The following DCC variants were observed in gnomAD, a reference collection of about 807,000 sequenced individuals.
The protein encoded by DCC is netrin receptor DCC.
In DCC, 58 loss-of-function variants were observed where a neutral mutation model predicts 172.5. The ratio of observed to expected loss-of-function variants is 0.34; its 90% confidence interval spans 0.27 to 0.42. DCC has a LOEUF of 0.42. Among genes scored for constraint, DCC ranks in the 10% least tolerant of loss-of-function variants. The pLI is 1.00. For synonymous variants in DCC, 709 were observed against 644.5 expected (o/e 1.10, Z -1.52); for missense variants, 1,740 against 1,791.0 (o/e 0.97, Z 0.51).
intron 1 of DCC, among the ~76,000 whole-genome samples, chr18:52,641,607 GA>G (rs1367994482): frequency 6.7e-6 from 1 of 148,938 alleles, no homozygotes; most frequent in Non-Finnish European, 1.5e-5. Context: ...ACAAACATAT[GA>G]AAAAAAGGCT....
chr18:52,913,315 T>G (rs1167104197), intron 3 of DCC, among the ~76,000 whole-genome samples: 1 of 152,140 alleles, frequency 6.6e-6, no homozygotes, highest in East Asian at 1.9e-4. Context: ...TGTGGATACA[T>G]AGACCATTTC....
At chr18:53,031,625 C>A (rs893740828) in intron 5 of DCC, among the ~76,000 whole-genome samples, 1 of 151,658 alleles carries the variant, frequency 6.6e-6, no homozygotes, top group African/African-American at 2.4e-5. Flanking sequence ...ATTAATAGAA[C>A]TAAAAAAATT....
At position 53,105,389 on chromosome 18, in the gene DCC, G is replaced by T. The variant is rs950030865; in HGVS notation, c.1261+39223G>T. On this transcript the variant is annotated intron_variant, in intron 7 of 28. Transcript: ENST00000442544. ...TTTATTTCCCGAGCTTATCTGTCTC[G>T]GAAAGATCTTAGTCACAGAGTGTTT... Among the ~76,000 whole-genome samples the T allele has an allele frequency of 2.0e-5, 3 of 152,064 alleles. No homozygotes were observed. In the East Asian group the frequency reaches 5.8e-4, roughly 30 times the overall value.
chr18:52,684,293 G>A (rs1016242504), intron 1 of DCC, among the ~76,000 whole-genome samples: 2 of 152,002 alleles, frequency 1.3e-5, no homozygotes, highest in Admixed American at 1.3e-4. Context: ...TAGCGAGTTT[G>A]ATGGAATCAC....
intron 1 of DCC, among the ~76,000 whole-genome samples, chr18:52,747,966 G>A: frequency 6.6e-6 from 1 of 152,226 alleles, no homozygotes; most frequent in East Asian, 1.9e-4. Flanking sequence ...TCCTGCCTGG[G>A]CCTCACTGGG....
intron 1 of DCC, among the ~76,000 whole-genome samples, chr18:52,598,556 A>C (rs2033953885): frequency 6.6e-6 from 1 of 152,144 alleles, no homozygotes; most frequent in African/African-American, 2.4e-5. Flanking sequence ...TGGGAGGTAA[A>C]CGGTGGCCAG....
At chr18:52,915,249 A>G (rs2040024322) in intron 3 of DCC, among the ~76,000 whole-genome samples, 1 of 152,162 alleles carries the variant, frequency 6.6e-6, no homozygotes, top group Non-Finnish European at 1.5e-5. Context: ...TCACTGCATT[A>G]GCATAAATTC....
chr18:53,511,826 G>A (rs187606397), intron 27 of DCC, among the ~76,000 whole-genome samples: 313 of 151,500 alleles, frequency 2.1e-3, no homozygotes, highest in African/African-American at 7.2e-3. Flanking sequence ...ACGGAGTCTC[G>A]CTGATTGCTA....
At chr18:52,922,872 T>C (rs546151296) in intron 3 of DCC, among the ~76,000 whole-genome samples, 127 of 152,258 alleles carry the variant, frequency 8.3e-4, no homozygotes, top group South Asian at 7.3e-3. Context: ...ACTTTGTGAA[T>C]TTTTTGCTTA....
chr18:52,895,689 T>A (rs1035911979), intron 2 of DCC, among the ~76,000 whole-genome samples: 1 of 152,214 alleles, frequency 6.6e-6, no homozygotes, highest in Admixed American at 6.5e-5. Context: ...CCATTTTATA[T>A]TTTTTACTAT....
intron 1 of DCC, among the ~76,000 whole-genome samples, chr18:52,344,516 A>C (rs1353861061): frequency 1.3e-5 from 2 of 152,196 alleles, no homozygotes; most frequent in African/African-American, 2.4e-5. Flanking sequence ...CTTCAAATGC[A>C]TATAATATGC....
intron 1 of DCC, among the ~76,000 whole-genome samples, chr18:52,748,690 T>A (rs1599071309): frequency 6.6e-6 from 1 of 152,154 alleles, no homozygotes; most frequent in Admixed American, 6.5e-5. Flanking sequence ...CAGGTTCTTG[T>A]CCTGCATCCA....
intron 2 of DCC, among the ~76,000 whole-genome samples, chr18:52,825,852 T>C (rs1485290954): frequency 6.6e-6 from 1 of 152,186 alleles, no homozygotes; most frequent in Admixed American, 6.5e-5. Flanking sequence ...TGACATATGG[T>C]TGGTTTCAAA....
intron 15 of DCC, among the ~76,000 whole-genome samples, chr18:53,384,327 A>T (rs1217249743): frequency 6.6e-6 from 1 of 151,560 alleles, no homozygotes; most frequent in Non-Finnish European, 1.5e-5. Context: ...TGATAATCTA[A>T]TTTTTTTTTC....
intron 5 of DCC, among the ~76,000 whole-genome samples, chr18:53,013,259 G>T (rs908561332): frequency 3.9e-5 from 6 of 152,018 alleles, no homozygotes; most frequent in African/African-American, 1.4e-4. Context: ...TATGTTTATT[G>T]CAGCACTATT....
intron 20 of DCC, among the ~76,000 whole-genome samples, chr18:53,413,760 A>C (rs547561114): frequency 4.3e-4 from 66 of 152,168 alleles, no homozygotes; most frequent in Non-Finnish European, 7.5e-4. Flanking sequence ...TCACCTAAAT[A>C]TGAGATGCTG....
At chr18:52,512,185 A>G (rs2031466620) in intron 1 of DCC, among the ~76,000 whole-genome samples, 1 of 152,154 alleles carries the variant, frequency 6.6e-6, no homozygotes, top group South Asian at 2.1e-4. Flanking sequence ...CCAACTATAA[A>G]AGGGTTGTGC....
intron 2 of DCC, among the ~76,000 whole-genome samples, chr18:52,844,046 G>A (rs1264888407): frequency 3.9e-5 from 6 of 152,040 alleles, no homozygotes; most frequent in African/African-American, 1.2e-4. Flanking sequence ...TATGACCCTA[G>A]GCAAGAGAAT....
At chr18:53,339,665 C>A in intron 14 of DCC, 48 bp from the exon 15 acceptor site, 2 of 1,452,588 alleles carry the variant, frequency 1.4e-6, no homozygotes, top group Non-Finnish European at 1.9e-6. Context: ...TGCCGTGCTA[C>A]ATTTTCTGTT....
Sources: gnomAD v4.1 joint callset for allele counts (sites outside exome capture counted in the v4.1 genomes callset) on GRCh38, gnomAD v4.1.1 for gene constraint, MANE v1.5 for transcripts, NCBI Gene and HGNC (gene_info 2026-07-23, HGNC 2026-07-21) for gene names.